CMC1: variants seen among roughly 807,000 people sequenced by gnomAD.
The protein encoded by CMC1 is COX assembly mitochondrial protein homolog.
A neutral mutation model predicts 14.1 loss-of-function variants in CMC1; 14 were observed. The ratio of observed to expected loss-of-function variants is 0.99; its 90% CI spans 0.66 to 1.55. The LOEUF (loss-of-function observed/expected upper bound fraction) is 1.55. Ranked by LOEUF, CMC1 falls within the 40% of genes most tolerant of loss-of-function variation. The pLI, the probability that CMC1 is intolerant of heterozygous loss-of-function variation, is 0.00. For synonymous variants in CMC1, 50 were observed against 38.4 expected (o/e 1.30, Z -1.12); for missense variants, 127 against 123.8 (o/e 1.03, Z -0.12).
chr3:28,243,151 G>A (rs1378291281), intron 1 of CMC1, among the ~76,000 whole-genome samples: 1 of 152,060 alleles, frequency 6.6e-6, no homozygotes, highest in Non-Finnish European at 1.5e-5. Context: ...CGCCTACTGG[G>A]TTCAAGCAAT....
Position 28,247,064 on chromosome 3 carries a change from T to G in CMC1, c.19+5252T>G, listed in dbSNP as rs562316422. On this transcript the variant is annotated intron_variant, in intron 1 of 3. Transcript: ENST00000466830. The stretch of plus-strand genomic sequence containing the variant: ...TTTTTGTGTTCAAATTTCCCCAGAT[T>G]TGGCCAGAGTTCCCTTTAAGCTAGC... Among the ~76,000 whole-genome samples, 72 of 152,290 alleles carry G rather than the reference T, an allele frequency of 4.7e-4. No homozygotes were observed. The South Asian group carries it at 0.015, about 31-fold the overall frequency.
chr3:28,269,505 G>A (rs189288708), intron 2 of CMC1, among the ~76,000 whole-genome samples: 9 of 151,888 alleles, frequency 5.9e-5, no homozygotes, highest in Admixed American at 5.9e-4. Context: ...TGTTACATAG[G>A]TAAACTTGTG....
intron 2 of CMC1, among the ~76,000 whole-genome samples, chr3:28,310,480 T>C (rs2125599173): frequency 6.6e-6 from 1 of 152,358 alleles, no homozygotes; most frequent in East Asian, 1.9e-4. Context: ...AATTAACTCA[T>C]TGGACAGTGT....
intron 1 of CMC1, among the ~76,000 whole-genome samples, chr3:28,243,788 CAATT>C (rs370261722): frequency 6.0e-5 from 9 of 150,712 alleles, no homozygotes; most frequent in East Asian, 1.9e-4. Flanking sequence ...GTAGAAAAAA[CAATT>C]AACACCCCCT....
chr3:28,289,237 C>G (rs1409064955), intron 2 of CMC1, among the ~76,000 whole-genome samples: 2 of 151,580 alleles, frequency 1.3e-5, no homozygotes, highest in East Asian at 3.9e-4. Context: ...TAGTTAAATT[C>G]TAAGATTTCA....
At chr3:28,279,336 C>G (rs1382428706) in intron 2 of CMC1, among the ~76,000 whole-genome samples, 2 of 152,066 alleles carry the variant, frequency 1.3e-5, no homozygotes, top group Non-Finnish European at 2.9e-5. Context: ...ATTAAATTGC[C>G]TGCTTAAATG....
intron 2 of CMC1, among the ~76,000 whole-genome samples, chr3:28,293,319 TTTC>T (rs1427298514): frequency 6.6e-6 from 1 of 151,758 alleles, no homozygotes; most frequent in Admixed American, 6.6e-5. Context: ...TTTTTTTTTT[TTTC>T]GAGTGGCTGG....
chr3:28,318,363 T>C (rs1703039112), intron 3 of CMC1: 1 of 151,796 alleles, frequency 6.6e-6, no homozygotes, highest in Admixed American at 6.6e-5. Context: ...TCTCTGGCAA[T>C]CCCTTCTTAA....
intron 2 of CMC1, among the ~76,000 whole-genome samples, chr3:28,305,589 A>G (rs1702262684): frequency 6.6e-6 from 1 of 152,032 alleles, no homozygotes; most frequent in African/African-American, 2.4e-5. Flanking sequence ...TGTTGGATGC[A>G]TAGTTTGCAA....
chr3:28,293,307 CTTTTT>C (rs368066751), intron 2 of CMC1, among the ~76,000 whole-genome samples: 1 of 139,958 alleles, frequency 7.1e-6, no homozygotes, highest in Non-Finnish European at 1.6e-5. Context: ...AATAGAGGGA[CTTTTT>C]TTTTTTTTTC....
chr3:28,242,566 C>G (rs1337273921), intron 1 of CMC1, among the ~76,000 whole-genome samples: 1 of 152,120 alleles, frequency 6.6e-6, no homozygotes, highest in African/African-American at 2.4e-5. Flanking sequence ...TCTTTCGGAG[C>G]CTTCAAGGAG....
chr3:28,323,947 A>G lies in CMC1; in HGVS notation c.*4318A>G. Reference sequence around the variant, plus strand: ...ATACTGAAGACCTCTGCAAAATTTTAATCAAAATCTCCTTTCAGTTTGTTA... The same window carrying G: ...ATACTGAAGACCTCTGCAAAATTTTGATCAAAATCTCCTTTCAGTTTGTTA... On this transcript the variant is annotated 3_prime_UTR_variant, in exon 4 of 4. Coordinates refer to ENST00000466830, the MANE Select transcript of CMC1 (RefSeq NM_182523.2). The G allele has an allele frequency of 7.1e-7, 1 of 1,406,910 alleles. No individual in the cohort carries two copies. Among genetic ancestry groups the G allele is most frequent in the Non-Finnish European group, 9.6e-7 (1 of 1,036,464 alleles). 87.2% of individuals were successfully genotyped at this position (1,406,910 alleles called of 1,614,324 possible).
At chr3:28,283,452 G>A (rs1245948669) in intron 2 of CMC1, among the ~76,000 whole-genome samples, 1 of 151,620 alleles carries the variant, frequency 6.6e-6, no homozygotes, top group Non-Finnish European at 1.5e-5. Context: ...GCAGGAAGTG[G>A]AGGTTGTGGT....
Position 28,323,019 on chromosome 3 carries a change from A to AT in CMC1, c.*3391dup, listed in dbSNP as rs1703236497. Reference sequence around the variant, plus strand: ...ATTTCCAAATAATTGGCCACTTAGAATAAGTGTGGACATTTCATGATCGAC... The same window carrying AT: ...ATTTCCAAATAATTGGCCACTTAGAATTAAGTGTGGACATTTCATGATCGAC... On this transcript the variant is annotated 3_prime_UTR_variant, in exon 4 of 4. Coordinates refer to ENST00000466830, the MANE Select transcript of CMC1 (RefSeq NM_182523.2). 1 of 95,824 alleles carries AT rather than the reference A, an allele frequency of 1.0e-5. No individual in the cohort carries two copies. The highest frequency in any genetic ancestry group is 2.8e-5 in the African/African-American group (1 of 36,102). The allele number at this position is 95,824 out of a possible 1,614,324, so 5.9% of individuals were successfully genotyped here.
chr3:28,264,935 G>A (rs1026646761), intron 2 of CMC1, among the ~76,000 whole-genome samples: 2 of 152,080 alleles, frequency 1.3e-5, no homozygotes, highest in Admixed American at 6.6e-5. Context: ...GGAAAATGCA[G>A]AATGATTGTA....
At chr3:28,295,114 T>G (rs1701673114) in intron 2 of CMC1, among the ~76,000 whole-genome samples, 1 of 152,192 alleles carries the variant, frequency 6.6e-6, no homozygotes, top group African/African-American at 2.4e-5. Context: ...CGTGAGCTCG[T>G]TTTTACTCTT....
intron 2 of CMC1, among the ~76,000 whole-genome samples, chr3:28,295,584 T>A (rs1701696064): frequency 6.6e-6 from 1 of 152,124 alleles, no homozygotes; most frequent in Non-Finnish European, 1.5e-5. Flanking sequence ...TCTCTCTTTT[T>A]CTGTAACTCT....
At chr3:28,266,634 C>T (rs573516766) in intron 2 of CMC1, among the ~76,000 whole-genome samples, 4 of 151,972 alleles carry the variant, frequency 2.6e-5, no homozygotes, top group African/African-American at 4.8e-5. Context: ...TGGACTACTG[C>T]GCTCAACCTA....
At chr3:28,258,537 A>G (rs1306149359) in intron 1 of CMC1, among the ~76,000 whole-genome samples, 1 of 150,706 alleles carries the variant, frequency 6.6e-6, no homozygotes, top group East Asian at 1.9e-4. Context: ...TTTGTCGAAA[A>G]TAATTTTATT....
Sources: gnomAD v4.1 joint callset for allele counts (sites outside exome capture counted in the v4.1 genomes callset) on GRCh38, gnomAD v4.1.1 for gene constraint, MANE v1.5 for transcripts, NCBI Gene and HGNC (gene_info 2026-07-23, HGNC 2026-07-21) for gene names.